The following TMEM114 variants were observed in gnomAD, a reference collection of about 807,000 sequenced individuals.
The protein encoded by TMEM114 is transmembrane protein 114.
Under a neutral mutation model 6.2 loss-of-function variants are expected in TMEM114, and 6 were observed. The ratio of observed to expected loss-of-function variants is 0.97; its 90% confidence interval spans 0.53 to 1.91. The LOEUF (loss-of-function observed/expected upper bound fraction) is 1.91, where lower values mean the gene tolerates loss of function less well. Ranked by LOEUF, TMEM114 falls within the 40% of genes most tolerant of loss-of-function variation. The pLI, the probability that TMEM114 is intolerant of heterozygous loss-of-function variation, is 0.01. For synonymous variants in TMEM114, 104 were observed against 73.0 expected (o/e 1.42, Z -2.16); for missense variants, 218 against 158.3 (o/e 1.38, Z -2.02).
At chr16:8,568,250 C>T (rs1901611130), downstream of TMEM114, among the ~76,000 whole-genome samples, 1 of 152,180 alleles carries the variant, frequency 6.6e-6, no homozygotes, top group Non-Finnish European at 1.5e-5. Context: ...CCCCAGAGAG[C>T]AAGGTCTGGG....
At chr16:8,565,179 G>C (rs2141677080), downstream of TMEM114, among the ~76,000 whole-genome samples, 1 of 152,280 alleles carries the variant, frequency 6.6e-6, no homozygotes, top group South Asian at 2.1e-4. Context: ...GGATGGATGA[G>C]TGAATTGATT....
At chr16:8,554,304 C>G (rs993837332) in intron 2 of TMEM114, among the ~76,000 whole-genome samples, 3 of 152,100 alleles carry the variant, frequency 2.0e-5, no homozygotes, top group African/African-American at 7.2e-5. Flanking sequence ...GCCTGCAATT[C>G]CAGCCCTTTG....
chr16:8,557,717 A>G (rs899449927), intron 2 of TMEM114, among the ~76,000 whole-genome samples: 1 of 152,148 alleles, frequency 6.6e-6, no homozygotes, highest in Non-Finnish European at 1.5e-5. Flanking sequence ...CTGAGCCTCA[A>G]TTTCCTCATT....
At chr16:8,564,351 G>C (rs375949109) in intron 2 of TMEM114, among the ~76,000 whole-genome samples, 1 of 150,242 alleles carries the variant, frequency 6.7e-6, no homozygotes, top group African/African-American at 2.5e-5. Flanking sequence ...GTGAGAGAAT[G>C]AGTCAGTGAG....
intron 2 of TMEM114, among the ~76,000 whole-genome samples, chr16:8,556,773 G>A (rs1901024305): frequency 6.6e-6 from 1 of 152,198 alleles, no homozygotes; most frequent in Non-Finnish European, 1.5e-5. Context: ...AAAGTGCCAG[G>A]ATTATAGGCG....
At chr16:8,569,295 G>C (rs1901640554), downstream of TMEM114, among the ~76,000 whole-genome samples, 1 of 152,156 alleles carries the variant, frequency 6.6e-6, no homozygotes, top group Admixed American at 6.5e-5. Context: ...CCCGTAGAAA[G>C]CCCATGTCAT....
intron 2 of TMEM114, among the ~76,000 whole-genome samples, chr16:8,564,346 A>T (rs1371928260): frequency 3.6e-5 from 5 of 137,922 alleles, no homozygotes; most frequent in South Asian, 2.4e-4. Context: ...AGTCAGTGAG[A>T]GAATGAGTCA....
At chr16:8,538,633 C>T (rs9939771) in intron 2 of TMEM114, among the ~76,000 whole-genome samples, 1 of 151,692 alleles carries the variant, frequency 6.6e-6, no homozygotes, top group Non-Finnish European at 1.5e-5. Flanking sequence ...TCAGCCTCCC[C>T]AGCAGCTGCG....
At chr16:8,533,868 T>A (rs890679289), downstream of TMEM114, among the ~76,000 whole-genome samples, 2 of 152,118 alleles carry the variant, frequency 1.3e-5, no homozygotes, top group African/African-American at 4.8e-5. Context: ...AAGAGAGTCA[T>A]CCCGGGAAAG....
At chr16:8,571,398 A>G (rs572097958) in intron 3 of TMEM114, among the ~76,000 whole-genome samples, 1 of 152,308 alleles carries the variant, frequency 6.6e-6, no homozygotes, top group African/African-American at 2.4e-5. Context: ...CAAACTATTC[A>G]ACACAGGCAC....
Position 8,589,293 on chromosome 16 carries a change from A to G in TMEM114, c.221T>C (p.Val74Ala), listed in dbSNP as rs1251067718. Residue 74 changes from valine to alanine, a missense_variant and splice_region_variant, in exon 2 of 4, where the codon GTG becomes GCG. By Grantham distance (64) the Val-to-Ala change is moderately conservative. Coordinates refer to ENST00000620492, the MANE Select transcript of TMEM114 (RefSeq NM_001146336.2). ...SHSGLWRTCRVQSPCTPLMNP... is the reference protein window; with the variant it reads ...SHSGLWRTCRAQSPCTPLMNP... ...CATCAGCGGTGTGCACGGGCTCTGC[A>G]CTGGATAGGACGGAGGAATCCATGG... 4.5e-5 allele frequency: 18 copies of G among 398,580 alleles called. No individual in the cohort carries two copies. The highest frequency in any genetic ancestry group is 7.1e-5 in the East Asian group (2 of 28,078). The allele number at this position is 398,580 out of a possible 1,614,324, so 24.7% of individuals were successfully genotyped here.
At chr16:8,574,746 T>A (rs2141688373) in intron 2 of TMEM114, among the ~76,000 whole-genome samples, 1 of 152,176 alleles carries the variant, frequency 6.6e-6, no homozygotes, top group East Asian at 1.9e-4. Context: ...ATTAATGAGG[T>A]TTCCCAGAGT....
intron 2 of TMEM114, among the ~76,000 whole-genome samples, chr16:8,543,369 G>T (rs1900571245): frequency 2.0e-5 from 3 of 152,006 alleles, no homozygotes; most frequent in Admixed American, 2.0e-4. Flanking sequence ...TTCATGGTGT[G>T]GCACTTGCTT....
intron 2 of TMEM114, among the ~76,000 whole-genome samples, chr16:8,560,021 G>T (rs1461830424): frequency 2.0e-5 from 3 of 152,080 alleles, no homozygotes; most frequent in Non-Finnish European, 4.4e-5. Flanking sequence ...GTTTGAGATA[G>T]GGTCTCACTC....
chr16:8,549,131 G>A (rs538520378), intron 2 of TMEM114, among the ~76,000 whole-genome samples: 3 of 139,030 alleles, frequency 2.2e-5, no homozygotes, highest in South Asian at 2.2e-4. Context: ...GCAGTGAGCC[G>A]AGATCGTACC....
At chr16:8,553,359 T>G (rs578075609) in intron 2 of TMEM114, among the ~76,000 whole-genome samples, 1 of 152,300 alleles carries the variant, frequency 6.6e-6, no homozygotes, top group East Asian at 1.9e-4. Context: ...CGAAAATAGC[T>G]GTAGAGTCCA....
rs577695926 is a variant in TMEM114, at chr16:8,583,522, G to T, written c.301+5691C>A. On this transcript the variant is annotated intron_variant, in intron 2 of 3. Transcript: ENST00000620492. ...CACTTTGGGAGGCCAAGGCAGGAGG[G>T]TCGCTTGAGCCCAGGAGTTTCAGAC... Among the ~76,000 whole-genome samples the T allele has an allele frequency of 2.6e-3, 398 of 152,182 alleles. 2 individuals carry two copies. Among genetic ancestry groups the T allele is most frequent in the Non-Finnish European group, 4.1e-3 (281 of 67,996 alleles).
At chr16:8,582,068 T>C (rs780798638) in intron 2 of TMEM114, among the ~76,000 whole-genome samples, 4 of 152,240 alleles carry the variant, frequency 2.6e-5, no homozygotes, top group Non-Finnish European at 5.9e-5. Flanking sequence ...TCCATGTCAC[T>C]GCAACAGCCC....
intron 2 of TMEM114, among the ~76,000 whole-genome samples, chr16:8,540,252 C>T (rs1388373647): frequency 1.3e-5 from 2 of 152,106 alleles, no homozygotes; most frequent in East Asian, 1.9e-4. Context: ...CAGTGATGAA[C>T]TACTTTTCCA....
Sources: gnomAD v4.1 joint callset for allele counts (sites outside exome capture counted in the v4.1 genomes callset) on GRCh38, gnomAD v4.1.1 for gene constraint, MANE v1.5 for transcripts, NCBI Gene and HGNC (gene_info 2026-07-23, HGNC 2026-07-21) for gene names.